Variants in CARD8 observed in about 807,000 individuals in gnomAD.
CARD8 encodes the protein caspase recruitment domain family member 8.
CARD8 carries 38 observed loss-of-function variants against 53.2 expected under a neutral mutation model. That is an observed-to-expected ratio of 0.71 (90% CI 0.55 to 0.94). The LOEUF is 0.94. CARD8 is among the 40% of genes least tolerant of loss of function. The pLI is 0.00. For synonymous variants in CARD8, 245 were observed against 244.9 expected (o/e 1.00, Z 0.00); for missense variants, 561 against 655.5 (o/e 0.86, Z 1.57).
intron 11 of CARD8, among the ~76,000 whole-genome samples, chr19:48,219,568 G>T (rs10418239): frequency 2.6e-5 from 4 of 151,926 alleles, no homozygotes; most frequent in Non-Finnish European, 4.4e-5. Flanking sequence ...CAAGCCCCCC[G>T]ACCCAGCTCT....
At chr19:48,246,327 A>G (rs7254278) in intron 3 of CARD8, among the ~76,000 whole-genome samples, 32,217 of 151,994 alleles carry the variant, frequency 0.21, 3,777 homozygotes, top group East Asian at 0.33. Context: ...ATGTTATCCT[A>G]TATACTCCTG....
At chr19:48,235,982 G>A (rs939374406) in intron 5 of CARD8, among the ~76,000 whole-genome samples, 1 of 151,926 alleles carries the variant, frequency 6.6e-6, no homozygotes, top group African/African-American at 2.4e-5. Flanking sequence ...TCAACAACAA[G>A]AGCAAAAATC....
At chr19:48,255,385 T>G in intron 1 of CARD8, among the ~76,000 whole-genome samples, 1 of 152,110 alleles carries the variant, frequency 6.6e-6, no homozygotes, top group East Asian at 1.9e-4. Flanking sequence ...AAAAATTGTT[T>G]CCCTTAGGAA....
chr19:48,234,931 C>T lies in CARD8; in HGVS notation c.210-388G>A, dbSNP rs2043606274. Among the ~76,000 whole-genome samples the T allele has an allele frequency of 2.6e-5, 4 of 152,220 alleles. 1 individual carries two copies. The South Asian group carries it at 8.3e-4, about 32-fold the overall frequency. ...TTCCTAATTTGTAGTCTCCCTTCAT[C>T]CATAATTGGTGCCCGAGAGAATAGG... On this transcript the variant is annotated intron_variant, in intron 5 of 13. Transcript: ENST00000651546.
At chr19:48,235,612 G>C (rs564006535) in intron 5 of CARD8, among the ~76,000 whole-genome samples, 1 of 152,112 alleles carries the variant, frequency 6.6e-6, no homozygotes, top group Non-Finnish European at 1.5e-5. Flanking sequence ...TTGAATTCCC[G>C]GCCCCAAGAA....
chr19:48,223,640 C>A (rs1032482291), intron 10 of CARD8: 37 of 300,634 alleles, frequency 1.2e-4, no homozygotes, highest in African/African-American at 5.9e-4. Flanking sequence ...CAGATTAGAA[C>A]TAAATCACCA....
At chr19:48,238,707 C>G (rs889558625) in intron 4 of CARD8, among the ~76,000 whole-genome samples, 175 bp from the exon 5 acceptor site, 3 of 152,074 alleles carry the variant, frequency 2.0e-5, no homozygotes, top group Admixed American at 1.3e-4. Flanking sequence ...ACATGCCCAT[C>G]CATAGAGATG....
At chr19:48,218,353 C>CTTTTTT (rs770280304) in intron 12 of CARD8, among the ~76,000 whole-genome samples, 6 of 108,994 alleles carry the variant, frequency 5.5e-5, no homozygotes, top group African/African-American at 1.4e-4. Context: ...TTATCTTCTT[C>CTTTTTT]TTTTTTTTTT....
chr19:48,223,826 C>T (rs765503810), intron 10 of CARD8: 30 of 455,660 alleles, frequency 6.6e-5, no homozygotes, highest in African/African-American at 5.6e-4. Context: ...CATGTTTTTG[C>T]CTCTTTTGTT....
chr19:48,236,183 C>A (rs1016797429), intron 5 of CARD8, among the ~76,000 whole-genome samples: 12 of 152,236 alleles, frequency 7.9e-5, no homozygotes, highest in South Asian at 4.1e-4. Flanking sequence ...CTGCCTTGGG[C>A]TATCTGCCAT....
chr19:48,227,752 G>A (rs1201331409), intron 10 of CARD8, among the ~76,000 whole-genome samples: 2 of 148,862 alleles, frequency 1.3e-5, no homozygotes, highest in African/African-American at 2.5e-5. Flanking sequence ...GCAGTGGGCC[G>A]AGATCACACC....
downstream of CARD8, among the ~76,000 whole-genome samples, chr19:48,205,694 G>A (rs1420295681): frequency 6.6e-6 from 1 of 152,082 alleles, no homozygotes; most frequent in African/African-American, 2.4e-5. Flanking sequence ...TAAATAACTT[G>A]GCCAGAGGTG....
At position 48,226,053 on chromosome 19, in the gene CARD8, C is replaced by T. The variant is rs1480116762; in HGVS notation, c.1036-4198G>A. On this transcript the variant is annotated intron_variant, in intron 10 of 13. Coordinates refer to ENST00000651546, the MANE Select transcript of CARD8 (RefSeq NM_001184900.3). Reference sequence around the variant, plus strand: ...TGGGGGACACAGCAAGACTCCGTCTCAAAAAAAAAAAAAAAAAAAGCCATG... The same window carrying T: ...TGGGGGACACAGCAAGACTCCGTCTTAAAAAAAAAAAAAAAAAAAGCCATG... 8.9e-5 allele frequency among the ~76,000 whole-genome samples: 7 copies of T among 78,448 alleles called. No individual in the cohort carries two copies. The Admixed American group carries it at 9.8e-4, about 11-fold the overall frequency. The allele number at this position is 78,448 out of a possible 152,430, so 51.5% of individuals were successfully genotyped here.
chr19:48,232,602 A>C (rs1271411183), intron 6 of CARD8, 109 bp from the exon 7 acceptor site: 2 of 905,184 alleles, frequency 2.2e-6, no homozygotes, highest in East Asian at 5.3e-5. Flanking sequence ...CCCGTAGAGT[A>C]GCCGCTACCC....
intron 1 of CARD8, among the ~76,000 whole-genome samples, chr19:48,254,473 C>G (rs2047326430): frequency 6.6e-6 from 1 of 152,104 alleles, no homozygotes; most frequent in African/African-American, 2.4e-5. Context: ...GAAATGCAGG[C>G]CTGGTGCGGT....
At chr19:48,222,560 G>A (rs2040871118) in intron 10 of CARD8, among the ~76,000 whole-genome samples, 1 of 152,096 alleles carries the variant, frequency 6.6e-6, no homozygotes, top group South Asian at 2.1e-4. Context: ...GTGGTGGCGG[G>A]CGCCTGTAAT....
At chr19:48,244,879 G>C (rs1156895255) in intron 3 of CARD8, among the ~76,000 whole-genome samples, 1 of 150,336 alleles carries the variant, frequency 6.7e-6, no homozygotes, top group Non-Finnish European at 1.5e-5. Flanking sequence ...TCACTCTTGG[G>C]GGGAAAAAAA....
chr19:48,205,086 G>T (rs925324764), downstream of CARD8, among the ~76,000 whole-genome samples: 9 of 152,160 alleles, frequency 5.9e-5, no homozygotes, highest in South Asian at 2.1e-4. Flanking sequence ...TAGAGTAATT[G>T]GGTTGTAGGA....
chr19:48,221,002 GA>G (rs1491534367), intron 11 of CARD8, among the ~76,000 whole-genome samples: 1 of 106,186 alleles, frequency 9.4e-6, no homozygotes, highest in African/African-American at 3.2e-5. Context: ...AGGAAAGAAA[GA>G]AAGAAAAAGA....
Sources: allele counts gnomAD v4.1 joint callset (sites outside exome capture counted in the v4.1 genomes callset), GRCh38; gene constraint gnomAD v4.1.1; transcripts MANE v1.5; gene names NCBI Gene and HGNC (gene_info 2026-07-23, HGNC 2026-07-21).